GABRR2: variants seen among roughly 807,000 people sequenced by gnomAD.
GABRR2 encodes gamma-aminobutyric acid receptor subunit rho-2.
In GABRR2, 36 loss-of-function variants were observed where a neutral mutation model predicts 47.0. The ratio of observed to expected loss-of-function variants is 0.77; its 90% CI spans 0.59 to 1.01. The LOEUF (loss-of-function observed/expected upper bound fraction) is 1.01. Ranked by LOEUF, GABRR2 falls within the 50% of genes least tolerant of loss-of-function variation. The probability of loss-of-function intolerance (pLI) is 0.00; values close to 1 mark genes in which losing one functional copy is unlikely to be tolerated. For missense variants in GABRR2, 587 were observed against 594.6 expected (o/e 0.99, Z 0.13); for synonymous variants, 204 against 227.5 (o/e 0.90, Z 0.93).
At chr6:89,272,932 C>T (rs1275235040) in intron 2 of GABRR2, among the ~76,000 whole-genome samples, 6 of 152,144 alleles carry the variant, frequency 3.9e-5, no homozygotes, top group Non-Finnish European at 7.4e-5. Context: ...GGAAGTAGTC[C>T]CGGGTGGGAG....
intron 2 of GABRR2, among the ~76,000 whole-genome samples, chr6:89,296,351 C>A (rs1774553769): frequency 6.6e-6 from 1 of 152,256 alleles, no homozygotes; most frequent in East Asian, 1.9e-4. Flanking sequence ...TTTATGGACT[C>A]ATGGAGGCAG....
At chr6:89,303,161 C>G in intron 1 of GABRR2, 2 of 419,530 alleles carry the variant, frequency 4.8e-6, no homozygotes, top group South Asian at 3.8e-5. Flanking sequence ...GGTGCCAAGG[C>G]CAGCAGTGTC....
chr6:89,267,303 C>T (rs566864562), intron 6 of GABRR2, among the ~76,000 whole-genome samples: 17 of 152,266 alleles, frequency 1.1e-4, no homozygotes, highest in East Asian at 3.9e-4. Flanking sequence ...TGATGGCTCA[C>T]GCCTGTAGTC....
chr6:89,302,997 G>A, intron 1 of GABRR2: 1 of 1,290,612 alleles, frequency 7.7e-7, no homozygotes, highest in Non-Finnish European at 1.1e-6. Flanking sequence ...CCGAGGCCAA[G>A]AGCAACATGA....
intron 3 of GABRR2, chr6:89,270,467 G>T (rs1005677501): frequency 6.6e-6 from 1 of 152,306 alleles, no homozygotes; most frequent in Non-Finnish European, 1.5e-5. Flanking sequence ...GTCTAGGGCA[G>T]CCAGGCTGTT....
chr6:89,307,204 C>G (rs1231221551), intron 1 of GABRR2, among the ~76,000 whole-genome samples: 2 of 152,112 alleles, frequency 1.3e-5, no homozygotes, highest in Admixed American at 6.5e-5. Flanking sequence ...TTTTAAAAAC[C>G]CTGATGCCCA....
In GABRR2 at chr6:89,267,660, T is replaced by C; in HGVS notation, c.736+19A>G. The stretch of plus-strand genomic sequence containing the variant: ...GCTTTCTTGCACATTTGAATCAGAT[T>C]GTGGCAAAAGATAGCTACCAGTGCT... On this transcript the variant is annotated intron_variant, in intron 6 of 8. Transcript: ENST00000402938. 2 of 1,603,674 alleles carry C rather than the reference T, an allele frequency of 1.2e-6. No individual in the cohort carries two copies. The highest frequency in any genetic ancestry group is 1.7e-6 in the Non-Finnish European group (2 of 1,176,000).
At chr6:89,258,559 A>G (rs1317891445) in intron 8 of GABRR2, among the ~76,000 whole-genome samples, 1 of 107,246 alleles carries the variant, frequency 9.3e-6, no homozygotes, top group Non-Finnish European at 2.1e-5. Context: ...AAAAAAAAAA[A>G]TGTTTTTTTT....
chr6:89,277,868 T>TTG (rs1774191668), intron 2 of GABRR2, among the ~76,000 whole-genome samples: 2 of 84,402 alleles, frequency 2.4e-5, no homozygotes, highest in Non-Finnish European at 4.8e-5. Context: ...TGGGCGGGGG[T>TTG]GGGGGGGGGT....
At chr6:89,307,435 C>A (rs2127850340) in intron 1 of GABRR2, among the ~76,000 whole-genome samples, 1 of 152,292 alleles carries the variant, frequency 6.6e-6, no homozygotes, top group Admixed American at 6.5e-5. Context: ...ATATTAAAAC[C>A]AATGATGCCT....
At chr6:89,309,536 G>A (rs1176681495) in intron 1 of GABRR2, among the ~76,000 whole-genome samples, 4 of 152,076 alleles carry the variant, frequency 2.6e-5, no homozygotes, top group Non-Finnish European at 5.9e-5. Context: ...TGGCAATATA[G>A]GTGTGTTGGT....
intron 2 of GABRR2, among the ~76,000 whole-genome samples, chr6:89,294,144 G>A (rs1006101150): frequency 4.7e-5 from 3 of 63,506 alleles, no homozygotes; most frequent in East Asian, 1.5e-3. Context: ...GTCTGAGCAC[G>A]ATAATTTTTC....
At position 89,258,598 on chromosome 6, in the gene GABRR2, G is replaced by A. The variant is rs570888793; in HGVS notation, c.1087-617C>T. 8.6e-5 allele frequency among the ~76,000 whole-genome samples: 13 copies of A among 150,428 alleles called. No individual in the cohort carries two copies. In the East Asian group the frequency reaches 2.6e-3, roughly 30 times the overall value. On this transcript the variant is annotated intron_variant, in intron 8 of 8. Transcript: ENST00000402938. ...TAGCCAGGCATGGTGGCATGCACCT[G>A]TAGTCCTAGCTACTCAGGAGGCTGA... is the stretch of plus-strand genomic sequence containing the variant.
rs1454520074 is a variant in GABRR2 at position 89,268,063 on chromosome 6, G to A, written c.546C>T (p.Phe182=). 6.2e-7 allele frequency: 1 copy of A among 1,611,692 alleles called. No individual in the cohort carries two copies. Among genetic ancestry groups the A allele is most frequent in the African/African-American group, 1.3e-5 (1 of 74,868 alleles). Residue 182 remains phenylalanine (F), a synonymous_variant, in exon 5 of 9, where the codon TTC becomes TTT. Transcript: ENST00000402938. ...TCTGGGAGTCCAGGGGAAAGTGGCT[G>A]AAGTCCATGTTGCACATGGCAGTGA... ...ITVTAMCNMD[F]SHFPLDSQTC...
intron 8 of GABRR2, among the ~76,000 whole-genome samples, chr6:89,262,010 CAG>C: frequency 6.8e-6 from 1 of 146,624 alleles, no homozygotes; most frequent in East Asian, 2.0e-4. Context: ...GCCTGGGTGA[CAG>C]AGTCAGACCC....
At chr6:89,284,043 A>G (rs1774295010) in intron 2 of GABRR2, among the ~76,000 whole-genome samples, 1 of 152,096 alleles carries the variant, frequency 6.6e-6, no homozygotes, top group African/African-American at 2.4e-5. Context: ...ACCACTCCAA[A>G]GATGGTTGGG....
At chr6:89,280,581 A>T (rs1307856059) in intron 2 of GABRR2, among the ~76,000 whole-genome samples, 2 of 152,148 alleles carry the variant, frequency 1.3e-5, no homozygotes, top group Admixed American at 6.5e-5. Flanking sequence ...ACAGGCCCTA[A>T]CAAGGGTCCT....
At chr6:89,308,386 A>G (rs1243424636) in intron 1 of GABRR2, among the ~76,000 whole-genome samples, 1 of 152,184 alleles carries the variant, frequency 6.6e-6, no homozygotes, top group Non-Finnish European at 1.5e-5. Context: ...CTAGCCACAC[A>G]TATGTGTTCG....
At chr6:89,267,022 C>T (rs188968534) in intron 6 of GABRR2, among the ~76,000 whole-genome samples, 2,024 of 115,588 alleles carry the variant, frequency 0.018, 67 homozygotes, top group African/African-American at 0.064. Context: ...TTTTTTGAGA[C>T]GGAGTATCAC....
Sources: allele counts gnomAD v4.1 joint callset (sites outside exome capture counted in the v4.1 genomes callset), GRCh38; gene constraint gnomAD v4.1.1; transcripts MANE v1.5; gene names NCBI Gene and HGNC (gene_info 2026-07-23, HGNC 2026-07-21).